SUPT3H: variants seen among roughly 807,000 people sequenced by gnomAD.
The protein encoded by SUPT3H is SPT3 homolog, SAGA and STAGA complex component.
A neutral mutation model predicts 44.3 loss-of-function variants in SUPT3H; 44 were observed. That is an observed-to-expected ratio of 0.99 (90% CI 0.78 to 1.28). SUPT3H has a LOEUF of 1.28. Ranked by LOEUF, SUPT3H falls within the 50% of genes most tolerant of loss-of-function variation. The pLI is 0.00. For missense variants in SUPT3H, 380 were observed against 387.1 expected, an observed-to-expected ratio of 0.98 and a Z score of 0.15; for synonymous variants, 124 against 125.6, an observed-to-expected ratio of 0.99 and a Z score of 0.09.
intron 4 of SUPT3H, among the ~76,000 whole-genome samples, chr6:45,019,727 A>T (rs1430640052): frequency 6.6e-6 from 1 of 151,990 alleles, no homozygotes; most frequent in African/African-American, 2.4e-5. Context: ...CTGGGCAGAA[A>T]CTTTCACTTT....
At chr6:45,185,540 A>C (rs1174435769) in intron 2 of SUPT3H, among the ~76,000 whole-genome samples, 1 of 152,228 alleles carries the variant, frequency 6.6e-6, no homozygotes, top group Non-Finnish European at 1.5e-5. Flanking sequence ...ACAGCCTGCC[A>C]TAACTTTAAG....
chr6:44,840,957 A>C (rs1006576312), intron 10 of SUPT3H, among the ~76,000 whole-genome samples: 1 of 152,200 alleles, frequency 6.6e-6, no homozygotes, highest in Non-Finnish European at 1.5e-5. Context: ...TGATGTTGTC[A>C]TCTAACTTTG....
intron 2 of SUPT3H, among the ~76,000 whole-genome samples, chr6:45,285,450 C>T (rs931859078): frequency 2.0e-5 from 3 of 152,188 alleles, no homozygotes; most frequent in South Asian, 4.2e-4. Flanking sequence ...ACACCAATAA[C>T]AGACAAACAG....
intron 2 of SUPT3H, among the ~76,000 whole-genome samples, chr6:45,296,195 C>T (rs80209374): frequency 6.6e-6 from 1 of 151,580 alleles, no homozygotes; most frequent in African/African-American, 2.4e-5. Context: ...TACACACACA[C>T]ACACACACAC....
At chr6:45,294,718 C>T (rs59379038) in intron 2 of SUPT3H, among the ~76,000 whole-genome samples, 22,095 of 105,812 alleles carry the variant, frequency 0.21, 3,035 homozygotes, top group African/African-American at 0.44. Context: ...GAATCAACCC[C>T]TTTTACAATA....
chr6:44,945,933 T>TGGCTTCAA (rs1300055071), intron 9 of SUPT3H, among the ~76,000 whole-genome samples: 1 of 152,184 alleles, frequency 6.6e-6, no homozygotes, highest in African/African-American at 2.4e-5. Flanking sequence ...AATCAATGCC[T>TGGCTTCAA]GGCTTCAAAG....
At chr6:45,373,378 C>G (rs1191215397) in intron 1 of SUPT3H, among the ~76,000 whole-genome samples, 1 of 152,104 alleles carries the variant, frequency 6.6e-6, no homozygotes, top group Non-Finnish European at 1.5e-5. Context: ...ATTAGTATAA[C>G]CTATTAGGTG....
At chr6:45,175,671 G>C (rs929454250) in intron 2 of SUPT3H, among the ~76,000 whole-genome samples, 3 of 151,776 alleles carry the variant, frequency 2.0e-5, no homozygotes, top group Non-Finnish European at 2.9e-5. Context: ...ACATGAATAC[G>C]ATACCATGGT....
chr6:45,371,326 T>C (rs1003244241), intron 1 of SUPT3H, among the ~76,000 whole-genome samples: 4 of 152,056 alleles, frequency 2.6e-5, no homozygotes, highest in African/African-American at 9.7e-5. Context: ...ACTGGGGGAT[T>C]TACTGTAGGC....
chr6:44,969,860 A>G (rs1215150430), intron 6 of SUPT3H, among the ~76,000 whole-genome samples: 1 of 152,174 alleles, frequency 6.6e-6, no homozygotes, highest in Non-Finnish European at 1.5e-5. Context: ...TACATGTCCA[A>G]GGTATTAAGA....
intron 3 of SUPT3H, among the ~76,000 whole-genome samples, chr6:45,049,945 T>C (rs1790012056): frequency 6.6e-6 from 1 of 152,114 alleles, no homozygotes; most frequent in South Asian, 2.1e-4. Flanking sequence ...ACAATAAGAC[T>C]AATTACTTGA....
chr6:45,164,318 G>A (rs1809507932), intron 2 of SUPT3H, among the ~76,000 whole-genome samples: 1 of 152,094 alleles, frequency 6.6e-6, no homozygotes, highest in South Asian at 2.1e-4. Flanking sequence ...TAGTTTTCAG[G>A]ATTAAGATTA....
At chr6:45,260,930 C>T (rs1438688832) in intron 2 of SUPT3H, among the ~76,000 whole-genome samples, 1 of 152,126 alleles carries the variant, frequency 6.6e-6, no homozygotes, top group Non-Finnish European at 1.5e-5. Flanking sequence ...GTCCAATTCC[C>T]TGCAATAAAT....
chr6:45,274,042 T>C (rs1026130991), intron 2 of SUPT3H, among the ~76,000 whole-genome samples: 3 of 152,254 alleles, frequency 2.0e-5, no homozygotes, highest in African/African-American at 4.8e-5. Context: ...GATTTGCCAA[T>C]AGCTAATGAC....
In SUPT3H at chr6:45,294,733, CAAAAAAAAAAAAAAAAAAA is replaced by C. The variant is rs56281990; in HGVS notation, c.101+70449_101+70467del. Reference sequence around the variant, plus strand: ...GAATCAACCCCTTTTACAATAGCTGCAAAAAAAAAAAAAAAAAAAAAAAAAAAAAACAACTTAGGAATAT... The same window carrying C: ...GAATCAACCCCTTTTACAATAGCTGCAAAAAAAAAAACAACTTAGGAATAT... On this transcript the variant is annotated intron_variant, in intron 2 of 10. Coordinates refer to ENST00000371459, the MANE Select transcript of SUPT3H (RefSeq NM_003599.4). 2.1e-3 allele frequency among the ~76,000 whole-genome samples: 75 copies of C among 36,204 alleles called. 1 individual carries two copies. In the South Asian group the frequency reaches 0.061, roughly 29 times the overall value. The allele number at this position is 36,204 out of a possible 152,430, so 23.8% of individuals were successfully genotyped here. A position where few individuals can be genotyped will look rare whatever the true frequency, so the allele number is the denominator to read the frequency against.
chr6:45,132,547 A>G (rs1280153557), intron 2 of SUPT3H, among the ~76,000 whole-genome samples: 1 of 152,164 alleles, frequency 6.6e-6, no homozygotes, highest in Non-Finnish European at 1.5e-5. Flanking sequence ...TAAATATTAA[A>G]TTCTCTTACA....
chr6:44,961,619 T>A (rs541473618), intron 7 of SUPT3H, 134 bp downstream of exon 7: 1 of 682,128 alleles, frequency 1.5e-6, no homozygotes, highest in African/African-American at 1.8e-5. Context: ...ATGTAGACGT[T>A]GTTTGTATAG....
chr6:45,319,891 T>C (rs1479927198), intron 2 of SUPT3H, among the ~76,000 whole-genome samples: 4 of 152,278 alleles, frequency 2.6e-5, no homozygotes, highest in East Asian at 1.9e-4. Context: ...AACATTTCTG[T>C]GGATAATAAG....
chr6:45,334,256 A>G (rs1788092477), intron 2 of SUPT3H, among the ~76,000 whole-genome samples: 1 of 151,152 alleles, frequency 6.6e-6, no homozygotes, highest in Non-Finnish European at 1.5e-5. Context: ...GATTTTTTAC[A>G]TCAATGATGT....
Sources: allele counts gnomAD v4.1 joint callset (sites outside exome capture counted in the v4.1 genomes callset), GRCh38; gene constraint gnomAD v4.1.1; transcripts MANE v1.5; gene names NCBI Gene and HGNC (gene_info 2026-07-23, HGNC 2026-07-21).